The following PARVB variants were observed in gnomAD, a reference collection of about 807,000 sequenced individuals.
The protein encoded by PARVB is beta-parvin.
Under a neutral mutation model 47.0 loss-of-function variants are expected in PARVB, and 46 were observed. The ratio of observed to expected loss-of-function variants is 0.98; its 90% confidence interval spans 0.77 to 1.25. PARVB has a LOEUF of 1.25. Ranked by LOEUF, PARVB falls within the 50% of genes most tolerant of loss-of-function variation. The pLI, the probability that PARVB is intolerant of heterozygous loss-of-function variation, is 0.00. For missense variants in PARVB, 473 were observed against 471.6 expected, an observed-to-expected ratio of 1.00 and a Z score of -0.03; for synonymous variants, 196 against 196.3, an observed-to-expected ratio of 1.00 and a Z score of 0.01.
At chr22:44,056,471 TTTG>T (rs769027716) in intron 1 of PARVB, among the ~76,000 whole-genome samples, 18 of 152,208 alleles carry the variant, frequency 1.2e-4, no homozygotes, top group Admixed American at 4.6e-4. Flanking sequence ...CCACAGATTT[TTTG>T]TTGTTGTTGT....
intron 3 of PARVB, among the ~76,000 whole-genome samples, chr22:44,100,694 G>A (rs1386942092): frequency 4.6e-5 from 7 of 152,130 alleles, no homozygotes; most frequent in Non-Finnish European, 1.0e-4. Context: ...CTTGGGCAGC[G>A]GCTGTCCTTC....
At chr22:44,091,221 G>A (rs928813310) in intron 1 of PARVB, among the ~76,000 whole-genome samples, 3 of 151,632 alleles carry the variant, frequency 2.0e-5, no homozygotes, top group Non-Finnish European at 4.4e-5. Context: ...GACAGTGTGT[G>A]CGGCAGCCAG....
chr22:44,109,930 G>A (rs1341071568), intron 3 of PARVB: 3 of 151,192 alleles, frequency 2.0e-5, no homozygotes, highest in Admixed American at 6.6e-5. Flanking sequence ...CGGCTAAAAC[G>A]GTGAAACCCC....
At chr22:44,055,555 G>A (rs1013484838) in intron 1 of PARVB, among the ~76,000 whole-genome samples, 2 of 151,850 alleles carry the variant, frequency 1.3e-5, no homozygotes, top group Admixed American at 6.6e-5. Context: ...GGATGATCTC[G>A]ATCTCCTGAC....
intron 1 of PARVB, among the ~76,000 whole-genome samples, chr22:44,057,731 C>G (rs1181315117): frequency 6.6e-6 from 1 of 151,962 alleles, no homozygotes; most frequent in African/African-American, 2.4e-5. Context: ...CACCAGACAC[C>G]CGCTTGGTGG....
At chr22:44,047,063 T>C (rs1248432678) in intron 1 of PARVB, among the ~76,000 whole-genome samples, 1 of 152,200 alleles carries the variant, frequency 6.6e-6, no homozygotes, top group Non-Finnish European at 1.5e-5. Flanking sequence ...CCACCAGGCC[T>C]ATCCATGGAG....
chr22:44,075,505 G>A (rs1405585142), intron 1 of PARVB, among the ~76,000 whole-genome samples: 1 of 152,172 alleles, frequency 6.6e-6, no homozygotes, highest in Non-Finnish European at 1.5e-5. Context: ...CAGTTTCCAT[G>A]AGGGGCCCCT....
intron 2 of PARVB, among the ~76,000 whole-genome samples, chr22:44,015,832 A>C (rs2050570855): frequency 6.6e-6 from 1 of 152,176 alleles, no homozygotes; most frequent in African/African-American, 2.4e-5. Context: ...AAAAACAAAC[A>C]AACAAAAAAA....
intron 12 of PARVB, among the ~76,000 whole-genome samples, chr22:44,167,821 A>C (rs2054203023): frequency 6.6e-6 from 1 of 152,084 alleles, no homozygotes; most frequent in Non-Finnish European, 1.5e-5. Flanking sequence ...TCATTTCTCC[A>C]TGTGAGTCTT....
intron 2 of PARVB, among the ~76,000 whole-genome samples, chr22:44,016,253 G>T (rs749962997): frequency 6.7e-4 from 102 of 151,906 alleles, no homozygotes; most frequent in South Asian, 1.7e-3. Flanking sequence ...CCTGCCACCA[G>T]GCCCAGCTAA....
At chr22:44,107,731 A>G (rs932366798) in intron 3 of PARVB, 2 of 152,174 alleles carry the variant, frequency 1.3e-5, no homozygotes, top group African/African-American at 4.8e-5. Flanking sequence ...ACCCATCAAC[A>G]GTGGGGTTCA....
intron 1 of PARVB, among the ~76,000 whole-genome samples, chr22:44,030,004 C>G (rs1045002409): frequency 3.3e-5 from 5 of 152,240 alleles, no homozygotes; most frequent in African/African-American, 9.6e-5. Flanking sequence ...TTTAAATAAC[C>G]TTCAGGAGAG....
intron 1 of PARVB, among the ~76,000 whole-genome samples, chr22:44,034,370 A>G (rs551997465): frequency 8.0e-5 from 12 of 150,840 alleles, no homozygotes; most frequent in African/African-American, 2.9e-4. Context: ...TATATTTGAG[A>G]TGGGGGTCTT....
chr22:44,010,867 A>T (rs80074834), intron 2 of PARVB, among the ~76,000 whole-genome samples: 3,233 of 149,636 alleles, frequency 0.022, 128 homozygotes, highest in African/African-American at 0.074. Context: ...AAAAAGTTTT[A>T]TTGGAATTAG....
chr22:44,118,059 G>T (rs373034093), intron 3 of PARVB, among the ~76,000 whole-genome samples: 4 of 152,278 alleles, frequency 2.6e-5, no homozygotes, highest in African/African-American at 9.6e-5. Flanking sequence ...TAAGAGGAAG[G>T]CTGGCCTGGA....
chr22:44,164,455 A>G (rs2054123826), intron 12 of PARVB, among the ~76,000 whole-genome samples: 1 of 148,500 alleles, frequency 6.7e-6, no homozygotes, highest in Admixed American at 6.8e-5. Context: ...AGGACTCTCT[A>G]ACCTGAGTGA....
chr22:44,134,350 C>T (rs539371888), intron 6 of PARVB, among the ~76,000 whole-genome samples: 9 of 152,144 alleles, frequency 5.9e-5, no homozygotes, highest in Admixed American at 1.3e-4. Context: ...CACAGGCAGC[C>T]GGCCTGAAAA....
chr22:44,044,917 A>T (rs1372645204), intron 1 of PARVB, among the ~76,000 whole-genome samples: 1 of 152,224 alleles, frequency 6.6e-6, no homozygotes, highest in African/African-American at 2.4e-5. Flanking sequence ...ATATCTTCCT[A>T]TAAGCACACT....
At chr22:44,091,759 T>C (rs2052172684) in intron 1 of PARVB, among the ~76,000 whole-genome samples, 1 of 152,216 alleles carries the variant, frequency 6.6e-6, no homozygotes, top group African/African-American at 2.4e-5. Context: ...ACTGCAGCAG[T>C]GCCCGAAGGT....
Sources: allele counts gnomAD v4.1 joint callset (sites outside exome capture counted in the v4.1 genomes callset), GRCh38; gene constraint gnomAD v4.1.1; transcripts MANE v1.5; gene names NCBI Gene and HGNC (gene_info 2026-07-23, HGNC 2026-07-21).